CYTH3: variants seen among roughly 807,000 people sequenced by gnomAD.
CYTH3 encodes the protein cytohesin 3, also known as cytohesin-3.
Under a neutral mutation model 55.1 loss-of-function variants are expected in CYTH3, and 23 were observed. The ratio of observed to expected loss-of-function variants is 0.42; its 90% CI spans 0.30 to 0.59. The LOEUF is 0.59. CYTH3 is among the 20% of genes least tolerant of loss of function. CYTH3 has a pLI of 0.20. For missense variants in CYTH3, 413 were observed against 524.8 expected (o/e 0.79, Z 2.08); for synonymous variants, 249 against 194.9 (o/e 1.28, Z -2.31).
intron 2 of CYTH3, among the ~76,000 whole-genome samples, chr7:6,188,308 G>C (rs1408096543): frequency 6.6e-6 from 1 of 151,748 alleles, no homozygotes; most frequent in Non-Finnish European, 1.5e-5. Context: ...ACTCCAGTCT[G>C]GGTGACAGAG....
intron 1 of CYTH3, among the ~76,000 whole-genome samples, chr7:6,224,288 A>C (rs1299478544): frequency 1.3e-5 from 2 of 151,272 alleles, no homozygotes; most frequent in African/African-American, 2.4e-5. Context: ...CGCTATTAAC[A>C]AAGTGTGACA....
chr7:6,247,503 GAAC>G (rs1216557855), intron 1 of CYTH3, among the ~76,000 whole-genome samples: 5 of 151,878 alleles, frequency 3.3e-5, no homozygotes, highest in African/African-American at 7.3e-5. Context: ...TCTTCTTTAC[GAAC>G]AACATTTATT....
chr7:6,272,410 G>GGGGGGGGGGGCGC, intron 1 of CYTH3, 64 bp downstream of exon 1: 1 of 1,216,618 alleles, frequency 8.2e-7, no homozygotes, highest in Non-Finnish European at 1.1e-6. Flanking sequence ...CCGCGCCCTC[G>GGGGGGGGGGGCGC]ACCCCCAGCC....
intron 1 of CYTH3, among the ~76,000 whole-genome samples, chr7:6,236,908 G>C (rs988531506): frequency 6.6e-6 from 1 of 152,198 alleles, no homozygotes; most frequent in Non-Finnish European, 1.5e-5. Context: ...ATGAAGTAGT[G>C]TTTCAAAGAG....
At chr7:6,200,127 C>A (rs1261149466) in intron 1 of CYTH3, among the ~76,000 whole-genome samples, 1 of 152,170 alleles carries the variant, frequency 6.6e-6, no homozygotes, top group Non-Finnish European at 1.5e-5. Flanking sequence ...GAGATTGTCA[C>A]AGATACTCAT....
rs1784570428 is a variant in CYTH3 at position 6,222,317 on chromosome 7, T to TG, written c.35-31787dup. On this transcript the variant is annotated intron_variant, in intron 1 of 12. Coordinates refer to ENST00000350796, the MANE Select transcript of CYTH3 (RefSeq NM_004227.4). ...AGCACCTGTCGATAATGCCTAACTC[T>TG]GTCTCTGTTCTCAAGGCAAGTGCCT... is the stretch of plus-strand genomic sequence containing the variant. Among the ~76,000 whole-genome samples, 4 of 152,232 alleles carry TG rather than the reference T, an allele frequency of 2.6e-5. No individual in the cohort carries two copies. In the South Asian group the frequency reaches 8.3e-4, roughly 31 times the overall value.
intron 1 of CYTH3, among the ~76,000 whole-genome samples, chr7:6,254,138 C>T (rs1202187167): frequency 6.6e-6 from 1 of 152,090 alleles, no homozygotes; most frequent in Non-Finnish European, 1.5e-5. Flanking sequence ...GCTGAGAGAT[C>T]GCACCACTGC....
At chr7:6,183,174 G>A (rs757903481) in intron 4 of CYTH3, among the ~76,000 whole-genome samples, 3 of 152,186 alleles carry the variant, frequency 2.0e-5, no homozygotes, top group African/African-American at 7.2e-5. Context: ...TCAGGAGAGC[G>A]TGACCAGTCT....
At chr7:6,174,092 G>C (rs1783270785) in intron 5 of CYTH3, among the ~76,000 whole-genome samples, 1 of 151,994 alleles carries the variant, frequency 6.6e-6, no homozygotes, top group Admixed American at 6.6e-5. Flanking sequence ...AACTGCCAGA[G>C]AGATTTCCAA....
At chr7:6,244,968 T>C in intron 1 of CYTH3, among the ~76,000 whole-genome samples, 1 of 97,410 alleles carries the variant, frequency 1.0e-5, no homozygotes, top group South Asian at 5.0e-4. Context: ...TTTTTTTTTT[T>C]TTTTTTTTTT....
At chr7:6,192,595 G>A (rs531981126) in intron 1 of CYTH3, among the ~76,000 whole-genome samples, 8 of 140,300 alleles carry the variant, frequency 5.7e-5, no homozygotes, top group African/African-American at 1.3e-4. Context: ...GCGGTGGCAC[G>A]ATCTCAGCTC....
intron 1 of CYTH3, among the ~76,000 whole-genome samples, chr7:6,241,723 T>C (rs967092398): frequency 2.0e-5 from 3 of 151,452 alleles, no homozygotes; most frequent in African/African-American, 4.9e-5. Context: ...TTAAAAAAAG[T>C]GGTGGGGTTG....
At chr7:6,192,384 A>AT (rs545088304) in intron 1 of CYTH3, among the ~76,000 whole-genome samples, 4,377 of 145,284 alleles carry the variant, frequency 0.03, 212 homozygotes, top group African/African-American at 0.1. Context: ...TGTCTGGCTA[A>AT]TTTTTTTTTT....
rs146753528 is a variant in CYTH3 at position 6,226,464 on chromosome 7, C to T, written c.35-35933G>A. On this transcript the variant is annotated intron_variant, in intron 1 of 12. Coordinates refer to ENST00000350796, the MANE Select transcript of CYTH3 (RefSeq NM_004227.4). ...GAGGTGGGAGAGTGCTATTTTAGGGCGAGGCAGGCAAGCTGGAGTAGAATC... is the reference window on the plus strand; with the variant it reads ...GAGGTGGGAGAGTGCTATTTTAGGGTGAGGCAGGCAAGCTGGAGTAGAATC... 1.5e-3 allele frequency among the ~76,000 whole-genome samples: 224 copies of T among 152,240 alleles called. 1 individual carries two copies. Among genetic ancestry groups the T allele is most frequent in the African/African-American group, 4.8e-3 (200 of 41,538 alleles).
intron 1 of CYTH3, among the ~76,000 whole-genome samples, chr7:6,270,547 T>C (rs1038965153): frequency 2.6e-5 from 4 of 152,222 alleles, no homozygotes; most frequent in Admixed American, 6.5e-5. Context: ...ATCCATAATG[T>C]CACCAATGTT....
At chr7:6,264,313 G>A (rs1164921492) in intron 1 of CYTH3, among the ~76,000 whole-genome samples, 2 of 152,082 alleles carry the variant, frequency 1.3e-5, no homozygotes, top group Non-Finnish European at 2.9e-5. Flanking sequence ...ATCTGTTGAA[G>A]TATGAAATAT....
intron 1 of CYTH3, among the ~76,000 whole-genome samples, chr7:6,203,259 A>G (rs1024657906): frequency 6.6e-6 from 1 of 152,128 alleles, no homozygotes; most frequent in African/African-American, 2.4e-5. Context: ...TGGACATAAT[A>G]TACTTCACTG....
chr7:6,193,222 AAATT>A (rs1208020478), intron 1 of CYTH3, among the ~76,000 whole-genome samples: 1 of 152,114 alleles, frequency 6.6e-6, no homozygotes, highest in Non-Finnish European at 1.5e-5. Flanking sequence ...CAAGACCAAA[AAATT>A]AATATGAATG....
rs979953879 is a variant in CYTH3, at chr7:6,252,498, A to G, written c.34+19976T>C. ...AGTCATCTGAAAGGGAGACTCCGAG[A>G]CCCTGTTGCTATTTCTTGAATACTT... On this transcript the variant is annotated intron_variant, in intron 1 of 12. Coordinates refer to ENST00000350796, the MANE Select transcript of CYTH3 (RefSeq NM_004227.4). 2.6e-5 allele frequency among the ~76,000 whole-genome samples: 4 copies of G among 152,098 alleles called. No individual in the cohort carries two copies. The South Asian group carries it at 8.3e-4, about 32-fold the overall frequency.
Sources: gnomAD v4.1 joint callset for allele counts (sites outside exome capture counted in the v4.1 genomes callset) on GRCh38, gnomAD v4.1.1 for gene constraint, MANE v1.5 for transcripts, NCBI Gene and HGNC (gene_info 2026-07-23, HGNC 2026-07-21) for gene names.